The following HEATR5A variants were observed in gnomAD, a reference collection of about 807,000 sequenced individuals.
The protein encoded by HEATR5A is HEAT repeat containing 5A.
A neutral mutation model predicts 218.8 loss-of-function variants in HEATR5A; 178 were observed. The ratio of observed to expected loss-of-function variants is 0.81; its 90% CI spans 0.72 to 0.92. The LOEUF (loss-of-function observed/expected upper bound fraction) is 0.92, where lower values mean the gene tolerates loss of function less well. Ranked by LOEUF, HEATR5A falls within the 40% of genes least tolerant of loss-of-function variation. The pLI is 0.00. For missense variants in HEATR5A, 2,420 were observed against 2,418.9 expected, an observed-to-expected ratio of 1.00 and a Z score of -0.01; for synonymous variants, 864 against 871.6, an observed-to-expected ratio of 0.99 and a Z score of 0.15.
At chr14:31,333,132 T>C (rs1048458526) in intron 22 of HEATR5A, among the ~76,000 whole-genome samples, 1 of 152,092 alleles carries the variant, frequency 6.6e-6, no homozygotes, top group African/African-American at 2.4e-5. Flanking sequence ...GTTCATGGGG[T>C]TAAGGAAATA....
intron 28 of HEATR5A, among the ~76,000 whole-genome samples, chr14:31,312,626 T>C (rs1191851696): frequency 6.6e-6 from 1 of 152,150 alleles, no homozygotes; most frequent in East Asian, 1.9e-4. Flanking sequence ...TTGGCCATGC[T>C]GGTCTCGAAC....
intron 18 of HEATR5A, 115 bp from the exon 19 acceptor site, chr14:31,348,022 T>C (rs1901077936): frequency 5.5e-6 from 3 of 545,890 alleles, no homozygotes; most frequent in South Asian, 5.5e-5. Flanking sequence ...AGTTGCAAAA[T>C]TTAGAAATAC....
At chr14:31,299,042 C>T (rs1899280381) in intron 33 of HEATR5A, among the ~76,000 whole-genome samples, 1 of 152,114 alleles carries the variant, frequency 6.6e-6, no homozygotes, top group Non-Finnish European at 1.5e-5. Context: ...TTCTGAATCT[C>T]CTCTAACCTT....
chr14:31,383,023 G>A (rs2030058730), intron 10 of HEATR5A, among the ~76,000 whole-genome samples: 3 of 151,788 alleles, frequency 2.0e-5, no homozygotes, highest in Non-Finnish European at 4.4e-5. Context: ...AGTATTTAGA[G>A]CTATAATCTG....
At position 31,334,534 on chromosome 14, in the gene HEATR5A, A is replaced by C. The variant is rs1236225505; in HGVS notation, c.3367+2942T>G. ...AGTGGTAGCAGGTTTGAGAGAACTG[A>C]TTCTAGTTTTCAAAGTTCTACTCTA... is the stretch of plus-strand genomic sequence containing the variant. On this transcript the variant is annotated intron_variant, in intron 22 of 35. Transcript: ENST00000543095. 6.9e-6 allele frequency: 3 copies of C among 436,196 alleles called. No individual in the cohort carries two copies. In the East Asian group the frequency reaches 2.1e-4, roughly 31 times the overall value. 27.0% of individuals were successfully genotyped at this position (436,196 alleles called of 1,614,324 possible).
In HEATR5A at chr14:31,313,069, T is replaced by C. The variant is rs368972436; in HGVS notation, c.4340A>G (p.Tyr1447Cys). 308 of 1,613,894 alleles carry C rather than the reference T, an allele frequency of 1.9e-4. No individual in the cohort carries two copies. The highest frequency in any genetic ancestry group is 3.3e-4 in the Middle Eastern group (2 of 6,062). The change falls in exon 28 of 36, where the codon TAT becomes TGT. Residue 1447 changes from tyrosine (Y) to cysteine (C), a missense_variant. Physicochemically the swap from Tyr to Cys is radical, Grantham distance 194 (BLOSUM62 -2). Coordinates refer to ENST00000543095, the MANE Select transcript of HEATR5A (RefSeq NM_015473.4). ...TCTGCTTAGTGTGCCAAGATCTGCATAGACTAAGTCAAGCAGTCCATCTGA... is the reference window on the plus strand; with the variant it reads ...TCTGCTTAGTGTGCCAAGATCTGCACAGACTAAGTCAAGCAGTCCATCTGA... ...CSSDGLLDLV[Y>C]ADLGTLSRLW... is the part of the protein sequence containing the mutation.
chr14:31,329,822 C>T (rs1424524036), intron 22 of HEATR5A, among the ~76,000 whole-genome samples: 1 of 152,204 alleles, frequency 6.6e-6, no homozygotes, highest in Non-Finnish European at 1.5e-5. Context: ...ATGTGATTCT[C>T]CTGCCTCAGC....
chr14:31,337,407 T>A (rs1210593511), intron 22 of HEATR5A, 69 bp downstream of exon 22: 6 of 1,303,074 alleles, frequency 4.6e-6, no homozygotes, highest in Non-Finnish European at 6.4e-6. Flanking sequence ...TCAAAACTCA[T>A]GTATATATGG....
chr14:31,327,341 T>G (rs1900305098), intron 22 of HEATR5A, among the ~76,000 whole-genome samples: 1 of 134,484 alleles, frequency 7.4e-6, no homozygotes, highest in Non-Finnish European at 1.5e-5. Flanking sequence ...TTGCCCAGGC[T>G]GGAGTGCAGT....
At chr14:31,367,259 C>T (rs907689158) in intron 13 of HEATR5A, among the ~76,000 whole-genome samples, 1 of 151,962 alleles carries the variant, frequency 6.6e-6, no homozygotes, top group African/African-American at 2.4e-5. Flanking sequence ...CTTATAAGAC[C>T]TTTATTTAGA....
Position 31,291,947 on chromosome 14 carries a change from A to G in HEATR5A, c.*1358T>C, listed in dbSNP as rs1899046255. 1 of 152,234 alleles carries G rather than the reference A, an allele frequency of 6.6e-6. No homozygotes were observed. The highest frequency in any genetic ancestry group is 1.5e-5 in the Non-Finnish European group (1 of 68,040). 9.4% of individuals were successfully genotyped at this position (152,234 alleles called of 1,614,324 possible). A position where few individuals can be genotyped will look rare whatever the true frequency, so the allele number is the denominator to read the frequency against. ...GTTCTTGCTTCAAAATGTCTTCTCA[A>G]TTCTGACATGCTTCTATCACTTCGG... On this transcript the variant is annotated 3_prime_UTR_variant, in exon 36 of 36. Coordinates refer to ENST00000543095, the MANE Select transcript of HEATR5A (RefSeq NM_015473.4).
chr14:31,393,967 G>C (rs1027752160), intron 6 of HEATR5A, 85 bp downstream of exon 6: 4 of 896,702 alleles, frequency 4.5e-6, no homozygotes, highest in Non-Finnish European at 6.5e-6. Flanking sequence ...TTTATAACGG[G>C]TAGCAATAAC....
intron 13 of HEATR5A, among the ~76,000 whole-genome samples, chr14:31,366,224 T>C (rs1164129714): frequency 6.6e-6 from 1 of 152,098 alleles, no homozygotes; most frequent in African/African-American, 2.4e-5. Context: ...TGGTGAGCTA[T>C]GACTGCGCCA....
chr14:31,411,863 TTTC>T (rs1265805913), intron 1 of HEATR5A, among the ~76,000 whole-genome samples: 1 of 152,158 alleles, frequency 6.6e-6, no homozygotes, highest in Admixed American at 6.5e-5. Context: ...AAATGATTTC[TTTC>T]TTTTTTTTTA....
At chr14:31,372,288 T>A (rs1902066021) in intron 12 of HEATR5A, among the ~76,000 whole-genome samples, 1 of 152,060 alleles carries the variant, frequency 6.6e-6, no homozygotes, top group South Asian at 2.1e-4. Context: ...GTCAGCATGT[T>A]AGGTTTTTAC....
At chr14:31,305,316 G>T in intron 31 of HEATR5A, 139 bp from the exon 32 acceptor site, 1 of 842,490 alleles carries the variant, frequency 1.2e-6, no homozygotes, top group Non-Finnish European at 1.8e-6. Context: ...AGGCTGGAGT[G>T]CAATGGCATG....
Position 31,349,861 on chromosome 14 carries a change from G to C in HEATR5A, c.2636C>G (p.Ser879Ter). The change falls in exon 18 of 36, where the codon TCA (serine) becomes TGA (stop). Residue 879 changes from serine (S) to a stop codon, truncating the protein, a stop_gained. Transcript: ENST00000543095. LOFTEE classifies it high-confidence loss of function. ...NPLLRCAAAESWARLAQVVDD... is the reference protein window; with the variant it reads ...NPLLRCAAAE ...TACCACTTGGGCTAATCTAGCCCAT[G>C]ACTCTGCAGCTGCACATCTCAGCAA... is the stretch of plus-strand genomic sequence containing the variant. 6.2e-7 allele frequency: 1 copy of C among 1,612,570 alleles called. No individual in the cohort carries two copies. Among genetic ancestry groups the C allele is most frequent in the Non-Finnish European group, 8.5e-7 (1 of 1,178,744 alleles).
chr14:31,344,117 C>G (rs1900933732), intron 20 of HEATR5A, 52 bp from the exon 21 acceptor site: 2 of 1,094,442 alleles, frequency 1.8e-6, no homozygotes, highest in Non-Finnish European at 1.2e-6. Flanking sequence ...AAACATTACT[C>G]TTTAAACATA....
intron 1 of HEATR5A, among the ~76,000 whole-genome samples, chr14:31,418,632 C>T (rs1382447793): frequency 6.6e-6 from 1 of 152,174 alleles, no homozygotes; most frequent in Non-Finnish European, 1.5e-5. Flanking sequence ...AACAGTTTCT[C>T]AATGTCTCCT....
Sources: gnomAD v4.1 joint callset for allele counts (sites outside exome capture counted in the v4.1 genomes callset) on GRCh38, gnomAD v4.1.1 for gene constraint, MANE v1.5 for transcripts, NCBI Gene and HGNC (gene_info 2026-07-23, HGNC 2026-07-21) for gene names.